Variants in KCNIP4 observed in about 807,000 individuals in gnomAD.
KCNIP4 encodes the protein Kv channel-interacting protein 4.
KCNIP4 carries 12 observed loss-of-function variants against 34.0 expected under a neutral mutation model. That is an observed-to-expected ratio of 0.35 (90% CI 0.23 to 0.57). The LOEUF is 0.57. KCNIP4 is among the 20% of genes least tolerant of loss of function. KCNIP4 has a pLI of 0.83. For missense variants in KCNIP4, 238 were observed against 311.7 expected (o/e 0.76, Z 1.78); for synonymous variants, 124 against 102.2 (o/e 1.21, Z -1.29).
chr4:20,763,943 GCTTC>G (rs1755169229), intron 3 of KCNIP4, among the ~76,000 whole-genome samples: 2 of 152,090 alleles, frequency 1.3e-5, no homozygotes, highest in Non-Finnish European at 2.9e-5. Context: ...CTGTTTACTT[GCTTC>G]AAGTAAACAA....
chr4:20,869,389 C>T (rs1723198508), intron 2 of KCNIP4, among the ~76,000 whole-genome samples: 1 of 151,972 alleles, frequency 6.6e-6, no homozygotes, highest in Non-Finnish European at 1.5e-5. Context: ...AATAAGGTAA[C>T]TGTGGGCATT....
chr4:21,943,960 T>C (rs1370207118), intron 1 of KCNIP4, among the ~76,000 whole-genome samples: 1 of 151,730 alleles, frequency 6.6e-6, no homozygotes, highest in Non-Finnish European at 1.5e-5. Flanking sequence ...CTCTTGCTTT[T>C]TTTTTTTTTT....
intron 1 of KCNIP4, among the ~76,000 whole-genome samples, chr4:21,873,653 A>C (rs916597172): frequency 7.9e-5 from 12 of 152,232 alleles, no homozygotes; most frequent in African/African-American, 2.7e-4. Context: ...CTATCTGAAC[A>C]TACAAACAGC....
At chr4:21,475,405 G>T (rs1730868816) in intron 1 of KCNIP4, among the ~76,000 whole-genome samples, 1 of 152,130 alleles carries the variant, frequency 6.6e-6, no homozygotes, top group Non-Finnish European at 1.5e-5. Flanking sequence ...ATTCCACATG[G>T]AAATGCCTTT....
intron 1 of KCNIP4, among the ~76,000 whole-genome samples, chr4:21,780,877 C>G (rs551574455): frequency 5.3e-5 from 8 of 152,276 alleles, no homozygotes; most frequent in Middle Eastern, 3.4e-3. Context: ...CTTTCCTCTT[C>G]CAGCTTCAGG....
intron 1 of KCNIP4, among the ~76,000 whole-genome samples, chr4:21,569,439 T>C (rs1162105512): frequency 6.6e-6 from 1 of 151,930 alleles, no homozygotes; most frequent in Non-Finnish European, 1.5e-5. Flanking sequence ...AGTAATTTGA[T>C]AGTAGAATAT....
intron 1 of KCNIP4, among the ~76,000 whole-genome samples, chr4:21,223,563 C>G (rs899071359): frequency 4.6e-5 from 7 of 152,198 alleles, no homozygotes; most frequent in South Asian, 4.1e-4. Flanking sequence ...AAAGTGGCAC[C>G]TGCCTCACAG....
At chr4:21,178,501 T>C (rs17447740) in intron 1 of KCNIP4, among the ~76,000 whole-genome samples, 1,647 of 148,522 alleles carry the variant, frequency 0.011, 23 homozygotes, top group South Asian at 0.017. Context: ...CCAGGTATAG[T>C]AACCATGTGT....
At chr4:21,922,783 C>T (rs1729005015) in intron 1 of KCNIP4, among the ~76,000 whole-genome samples, 1 of 152,124 alleles carries the variant, frequency 6.6e-6, no homozygotes, top group Admixed American at 6.5e-5. Flanking sequence ...ACATTTGCTA[C>T]ATATAAATGA....
chr4:21,112,712 C>G (rs1027614562), intron 1 of KCNIP4, among the ~76,000 whole-genome samples: 1 of 152,198 alleles, frequency 6.6e-6, no homozygotes, highest in Non-Finnish European at 1.5e-5. Flanking sequence ...TGATCCACTG[C>G]TCAGTCATCT....
intron 5 of KCNIP4, among the ~76,000 whole-genome samples, chr4:20,747,544 C>G (rs1752634360): frequency 1.3e-5 from 2 of 152,112 alleles, no homozygotes; most frequent in Non-Finnish European, 2.9e-5. Flanking sequence ...ATAGTCTTCC[C>G]CCAACCATCT....
chr4:21,708,414 G>A (rs981267409), intron 1 of KCNIP4, among the ~76,000 whole-genome samples: 4 of 152,004 alleles, frequency 2.6e-5, no homozygotes, highest in African/African-American at 9.7e-5. Flanking sequence ...TCTAAGTATG[G>A]GGTGAAGAGT....
intron 1 of KCNIP4, among the ~76,000 whole-genome samples, chr4:21,420,993 T>C (rs1175140752): frequency 6.6e-6 from 1 of 152,160 alleles, no homozygotes; most frequent in Non-Finnish European, 1.5e-5. Context: ...TAAATAGACA[T>C]TTCTTTAAAG....
chr4:20,807,172 G>C (rs1488694143), intron 3 of KCNIP4, among the ~76,000 whole-genome samples: 1 of 151,972 alleles, frequency 6.6e-6, no homozygotes, highest in African/African-American at 2.4e-5. Context: ...TATGACATTT[G>C]GCCAAGTCAT....
At chr4:21,228,686 A>T (rs1758576264) in intron 1 of KCNIP4, among the ~76,000 whole-genome samples, 1 of 151,898 alleles carries the variant, frequency 6.6e-6, no homozygotes, top group African/African-American at 2.4e-5. Flanking sequence ...GCCAACAACT[A>T]CCTCCATCTT....
chr4:20,898,090 C>G (rs1263142931), intron 1 of KCNIP4, among the ~76,000 whole-genome samples: 1 of 152,070 alleles, frequency 6.6e-6, no homozygotes, highest in Non-Finnish European at 1.5e-5. Flanking sequence ...TAAGTTCCCT[C>G]TCTTCCTCAG....
At chr4:21,673,162 A>G (rs7682949) in intron 1 of KCNIP4, among the ~76,000 whole-genome samples, 56,619 of 152,122 alleles carry the variant, frequency 0.37, 12,576 homozygotes, top group East Asian at 0.93. Flanking sequence ...CTTGTAAGCA[A>G]CTAGCATTTA....
At chr4:21,937,399 C>T (rs148956913) in intron 1 of KCNIP4, among the ~76,000 whole-genome samples, 101 of 152,112 alleles carry the variant, frequency 6.6e-4, no homozygotes, top group African/African-American at 2.4e-3. Context: ...CTTGTTCAAA[C>T]GTTTGTTTTC....
At chr4:21,770,124 C>G (rs930479181) in intron 1 of KCNIP4, among the ~76,000 whole-genome samples, 2 of 152,142 alleles carry the variant, frequency 1.3e-5, no homozygotes, top group African/African-American at 4.8e-5. Flanking sequence ...CCCCTCACCC[C>G]CTAACCCCCA....
Sources: allele counts gnomAD v4.1 joint callset (sites outside exome capture counted in the v4.1 genomes callset), GRCh38; gene constraint gnomAD v4.1.1; transcripts MANE v1.5; gene names NCBI Gene and HGNC (gene_info 2026-07-23, HGNC 2026-07-21).